The following LPO variants were observed in gnomAD, a reference collection of about 807,000 sequenced individuals.
LPO encodes the protein lactoperoxidase, also known as salivary peroxidase.
A neutral mutation model predicts 68.4 loss-of-function variants in LPO; 70 were observed. The ratio of observed to expected loss-of-function variants is 1.02; its 90% CI spans 0.84 to 1.25. The LOEUF (loss-of-function observed/expected upper bound fraction) is 1.25. Among genes scored for constraint, LPO ranks in the 50% most tolerant of loss-of-function variants. The pLI, the probability that LPO is intolerant of heterozygous loss-of-function variation, is 0.00. For missense variants in LPO, 873 were observed against 908.4 expected (o/e 0.96, Z 0.50); for synonymous variants, 360 against 357.6 (o/e 1.01, Z -0.08).
At position 58,266,324 on chromosome 17, in the gene LPO, C is replaced by T; in HGVS notation, c.1691C>T (p.Pro564Leu). The T allele has an allele frequency of 3.1e-6, 5 of 1,613,876 alleles. No individual in the cohort carries two copies. The highest frequency in any genetic ancestry group is 3.4e-6 in the Non-Finnish European group (4 of 1,179,980). The change falls in exon 11 of 13, where the codon CCT (proline) becomes CTT (leucine). Residue 564 changes from proline to leucine, a missense_variant and splice_region_variant. By Grantham distance (98) the Pro-to-Leu change is moderately conservative. Transcript: ENST00000262290. ...CAGCGTTGCCGGGACCATGGGCAACCTGGTGAGTGTCTGAAGTCTGGCCTG... is the reference window on the plus strand; with the variant it reads ...CAGCGTTGCCGGGACCATGGGCAACTTGGTGAGTGTCTGAAGTCTGGCCTG... ...NTQRCRDHGQ[P>L]GYNSWRAFCD...
chr17:58,247,693 G>C, intron 4 of LPO, 55 bp downstream of exon 4: 1 of 1,571,756 alleles, frequency 6.4e-7, no homozygotes, highest in South Asian at 1.2e-5. Flanking sequence ...CCCCACAGGA[G>C]AAAGCAGAGG....
chr17:58,241,769 G>A (rs1215838778), intron 1 of LPO, among the ~76,000 whole-genome samples: 1 of 152,298 alleles, frequency 6.6e-6, no homozygotes, highest in East Asian at 1.9e-4. Flanking sequence ...GGGGGACCAC[G>A]AAAGGGCAGA....
At position 58,244,068 on chromosome 17, in the gene LPO, G is replaced by A. The variant is rs1244168090; in HGVS notation, c.151G>A (p.Asp51Asn). The A allele has an allele frequency of 5.0e-6, 8 of 1,606,212 alleles. No homozygotes were observed. In the Admixed American group the frequency reaches 6.7e-5, roughly 14 times the overall value. The change falls in exon 3 of 13, where the codon GAC (aspartate) becomes AAC (asparagine). Residue 51 changes from aspartate to asparagine, a missense_variant. Transcript: ENST00000262290. ...GGTCCAAGTCAACAAGGCCTTCCTG[G>A]ACTCCCGAACCAGGTACGTGAGACA... ...AKVQVNKAFL[D>N]SRTRLKTAMS...
At chr17:58,267,318 G>A in intron 11 of LPO, 31 bp from the exon 12 acceptor site, 1 of 1,572,918 alleles carries the variant, frequency 6.4e-7, no homozygotes, top group Non-Finnish European at 8.7e-7. Context: ...GAAGTCCCCG[G>A]GATGAGACAG....
chr17:58,250,861 C>T, intron 7 of LPO: 1 of 526,710 alleles, frequency 1.9e-6, no homozygotes, highest in Non-Finnish European at 3.4e-6. Flanking sequence ...ACCGCTCCTG[C>T]TCTCAAGAAC....
chr17:58,267,619 AGGGCCCTTC>A, intron 12 of LPO, 33 bp downstream of exon 12: 1 of 1,558,658 alleles, frequency 6.4e-7, no homozygotes, highest in Non-Finnish European at 8.8e-7. Context: ...AGGGAAGGGC[AGGGCCCTTC>A]TCCAAGAGGG....
chr17:58,242,712 C>T (rs1969779577), intron 1 of LPO, among the ~76,000 whole-genome samples: 1 of 152,204 alleles, frequency 6.6e-6, no homozygotes, highest in South Asian at 2.1e-4. Context: ...GCTATTGGAG[C>T]AAATGCAGAA....
rs1160930031 is a variant in LPO at position 58,252,457 on chromosome 17, C to T, written c.1056C>T (p.Ser352=). 1 of 1,614,056 alleles carries T rather than the reference C, an allele frequency of 6.2e-7. No homozygotes were observed. The highest frequency in any genetic ancestry group is 8.5e-7 in the Non-Finnish European group (1 of 1,180,034). ...PYLPYDSKKP[S]PCEFINTTAR... is the part of the protein sequence containing the mutation. The stretch of plus-strand genomic sequence containing the variant: ...TGCCCTATGACAGCAAGAAGCCAAG[C>T]CCCTGTGAGTTCATCAACACCACTG... The change falls in exon 8 of 13, where the codon AGC becomes AGT. Residue 352 remains serine (S), a synonymous_variant. Transcript: ENST00000262290.
At chr17:58,256,521 G>A (rs1013713871) in intron 9 of LPO, among the ~76,000 whole-genome samples, 23 of 151,668 alleles carry the variant, frequency 1.5e-4, no homozygotes, top group African/African-American at 5.3e-4. Flanking sequence ...ACATCGTGAA[G>A]AATGAGGTAT....
In LPO at chr17:58,244,074, C is replaced by T. The variant is rs199842558; in HGVS notation, c.157C>T (p.Arg53Ter). Reference protein sequence around the residue: ...VQVNKAFLDSRTRLKTAMSSE... With the variant: ...VQVNKAFLDS ...AGTCAACAAGGCCTTCCTGGACTCCCGAACCAGGTACGTGAGACACACACA... is the reference window on the plus strand; with the variant it reads ...AGTCAACAAGGCCTTCCTGGACTCCTGAACCAGGTACGTGAGACACACACA... Residue 53 changes from arginine (R) to a stop codon, truncating the protein, a stop_gained, in exon 3 of 13, where the codon CGA becomes TGA. Transcript: ENST00000262290. LOFTEE classifies it high-confidence loss of function. 6.5e-5 allele frequency: 103 copies of T among 1,595,992 alleles called. No individual in the cohort carries two copies. Among genetic ancestry groups the T allele is most frequent in the Middle Eastern group, 5.0e-4 (3 of 6,046 alleles).
chr17:58,266,929 T>C (rs1970278850), intron 11 of LPO, among the ~76,000 whole-genome samples: 2 of 152,136 alleles, frequency 1.3e-5, no homozygotes, highest in Admixed American at 6.5e-5. Context: ...AAGAAAACAA[T>C]AGAGAGAAAC....
chr17:58,249,373 C>G, intron 5 of LPO, 193 bp from the exon 6 acceptor site: 2 of 962,818 alleles, frequency 2.1e-6, no homozygotes. Context: ...TCTCTGGAAG[C>G]GGCACCTTTC....
At position 58,247,869 on chromosome 17, in the gene LPO, C is replaced by T. The variant is rs73314124; in HGVS notation, c.325+231C>T. On this transcript the variant is annotated intron_variant, in intron 4 of 12. Coordinates refer to ENST00000262290, the MANE Select transcript of LPO (RefSeq NM_006151.3). ...AAGAAACTGAGACCTAGCAAGCTCA[C>T]ATGGCCGACTCCAAGTGAGGGGACA... is the stretch of plus-strand genomic sequence containing the variant. Among the ~76,000 whole-genome samples, 533 of 152,344 alleles carry T rather than the reference C, an allele frequency of 3.5e-3. 7 individuals are homozygous for T. Among genetic ancestry groups the T allele is most frequent in the African/African-American group, 0.012 (512 of 41,580 alleles).
At chr17:58,262,598 G>A (rs1175126473) in intron 9 of LPO, among the ~76,000 whole-genome samples, 1 of 152,058 alleles carries the variant, frequency 6.6e-6, no homozygotes, top group Admixed American at 6.6e-5. Context: ...TCACCATGTT[G>A]GCCAGGCTAG....
chr17:58,249,677 C>T lies in LPO; in HGVS notation c.555C>T (p.Asn185=). The T allele has an allele frequency of 1.3e-6, 2 of 1,575,554 alleles. No individual in the cohort carries two copies. The highest frequency in any genetic ancestry group is 1.7e-6 in the Non-Finnish European group (2 of 1,167,660). ...GCTGGACGCCGGGGAAGACGCGCAA[C>T]GGCTTCCCTCTCCCGCTGGTGAGGG... ...PFGWTPGKTR[N]GFPLPLAREV... Residue 185 remains asparagine, a synonymous_variant, in exon 6 of 13, where the codon AAC becomes AAT. Transcript: ENST00000262290.
chr17:58,243,248 G>T lies in LPO; in HGVS notation c.76+193G>T. 2 of 564,990 alleles carry T rather than the reference G, an allele frequency of 3.5e-6. 1 individual carries two copies. The highest frequency in any genetic ancestry group is 4.1e-5 in the South Asian group (2 of 48,486). 35.0% of individuals were successfully genotyped at this position (564,990 alleles called of 1,614,324 possible). ...TCCTTTCTTCTTCCAGCTTCTGGTG[G>T]CCCTGGTATCCTTGGTGTTCCCTGG... On this transcript the variant is annotated intron_variant, in intron 2 of 12. Transcript: ENST00000262290.
At chr17:58,263,086 C>T (rs1214354008) in intron 9 of LPO, among the ~76,000 whole-genome samples, 1 of 152,100 alleles carries the variant, frequency 6.6e-6, no homozygotes, top group Non-Finnish European at 1.5e-5. Flanking sequence ...GTCTCCAATT[C>T]TATCCTCTGT....
intron 5 of LPO, 98 bp from the exon 6 acceptor site, chr17:58,249,468 C>G (rs1359036537): frequency 1.3e-6 from 2 of 1,494,768 alleles, no homozygotes; most frequent in Admixed American, 4.6e-5. Context: ...TCTGCGTCCC[C>G]TCCGCCTCGA....
In LPO at chr17:58,267,570, A is replaced by T. The variant is rs2143954264; in HGVS notation, c.1915A>T (p.Ile639Phe). ...CCTCTTGGGCAAGCAGTTCCAGCAGATCCGTGATGGAGACAGGCAAGTGCG... is the reference window on the plus strand; with the variant it reads ...CCTCTTGGGCAAGCAGTTCCAGCAGTTCCGTGATGGAGACAGGCAAGTGCG... ...ACLLGKQFQQ[I>F]RDGDRFWWEN... Residue 639 changes from isoleucine to phenylalanine, a missense_variant, in exon 12 of 13, where the codon ATC (isoleucine) becomes TTC (phenylalanine). By Grantham distance (21) the Ile-to-Phe change is conservative. Transcript: ENST00000262290. 6.2e-7 allele frequency: 1 copy of T among 1,610,934 alleles called. No individual in the cohort carries two copies. Among genetic ancestry groups the T allele is most frequent in the East Asian group, 2.2e-5 (1 of 44,804 alleles).
Sources: allele counts gnomAD v4.1 joint callset (sites outside exome capture counted in the v4.1 genomes callset), GRCh38; gene constraint gnomAD v4.1.1; transcripts MANE v1.5; gene names NCBI Gene and HGNC (gene_info 2026-07-23, HGNC 2026-07-21).